The following RHOQ variants were observed in gnomAD, a reference collection of about 807,000 sequenced individuals.
The protein encoded by RHOQ is rho-related GTP-binding protein RhoQ.
RHOQ carries 7 observed loss-of-function variants against 25.8 expected under a neutral mutation model. The observed-to-expected ratio is 0.27, with a 90% CI of 0.15 to 0.51. The LOEUF is 0.51. Ranked by LOEUF, RHOQ falls within the 20% of genes least tolerant of loss-of-function variation. The pLI is 0.97. For missense variants in RHOQ, 165 were observed against 260.6 expected (o/e 0.63, Z 2.53); for synonymous variants, 97 against 98.6 (o/e 0.98, Z 0.10).
chr2:46,571,424 A>G (rs61159979), intron 2 of RHOQ, among the ~76,000 whole-genome samples: 8,744 of 152,262 alleles, frequency 0.057, 417 homozygotes, highest in African/African-American at 0.13. Flanking sequence ...TGCACATTCA[A>G]GTGCATTGCC....
At chr2:46,580,074 A>C (rs185883534) in intron 4 of RHOQ, 152 of 152,490 alleles carry the variant, frequency 1.0e-3, no homozygotes, top group African/African-American at 3.5e-3. Context: ...ATCTGTTCTC[A>C]ACACAGCAGC....
At position 46,543,026 on chromosome 2, in the gene RHOQ, C is replaced by G. The variant is rs1667879617; in HGVS notation, c.-21C>G. ...GCGGGGGCTCCGGGGGGACCATGCC[C>G]GGAGGCCGGCCGGCAGCAGCATGGC... On this transcript the variant is annotated 5_prime_UTR_variant, in exon 1 of 5. Transcript: ENST00000238738. 2 of 1,561,680 alleles carry G rather than the reference C, an allele frequency of 1.3e-6. No individual in the cohort carries two copies. Among genetic ancestry groups the G allele is most frequent in the Non-Finnish European group, 1.7e-6 (2 of 1,156,996 alleles).
At position 46,580,937 on chromosome 2, in the gene RHOQ, T is replaced by C. The variant is rs761558127; in HGVS notation, c.472T>C (p.Cys158Arg). The change falls in exon 5 of 5, where the codon TGC (cysteine) becomes CGC (arginine). Residue 158 changes from cysteine (C) to arginine (R), a missense_variant. Transcript: ENST00000238738. The part of the protein sequence containing the change: ...GQKLAKEIGA[C>R]CYVECSALTQ... ...TTTTTCTCCCTCCCAGATAGGAGCA[T>C]GCTGCTATGTGGAATGTTCAGCTTT... 2.6e-6 allele frequency: 4 copies of C among 1,512,328 alleles called. No individual in the cohort carries two copies. In the South Asian group the frequency reaches 5.4e-5, roughly 20 times the overall value. The allele number at this position is 1,512,328 out of a possible 1,614,324, so 93.7% of individuals were successfully genotyped here.
intron 1 of RHOQ, 67 bp downstream of exon 1, chr2:46,543,255 G>A: frequency 6.3e-7 from 1 of 1,581,966 alleles, no homozygotes; most frequent in Non-Finnish European, 8.7e-7. Flanking sequence ...AACTTTGGCG[G>A]AGCCCCCTCG....
intron 2 of RHOQ, among the ~76,000 whole-genome samples, chr2:46,550,034 C>T (rs1194275703): frequency 6.6e-6 from 1 of 152,018 alleles, no homozygotes; most frequent in Non-Finnish European, 1.5e-5. Flanking sequence ...CAAGACGAGC[C>T]TGGACAACAC....
rs1669419463 is a variant in RHOQ at position 46,582,301 on chromosome 2, GT to G, written c.*1220del. On this transcript the variant is annotated 3_prime_UTR_variant, in exon 5 of 5. Coordinates refer to ENST00000238738, the MANE Select transcript of RHOQ (RefSeq NM_012249.4). ...TGCTTGAAAAAAAAAAGAAAAAAAA[GT>G]TGGAGGAAAATTTTCATGTTCTTCT... The G allele has an allele frequency of 6.6e-6, 1 of 151,534 alleles. No homozygotes were observed. The highest frequency in any genetic ancestry group is 2.4e-5 in the African/African-American group (1 of 41,286). 9.4% of individuals were successfully genotyped at this position (151,534 alleles called of 1,614,324 possible).
chr2:46,548,769 A>G lies in RHOQ; in HGVS notation c.201+4957A>G, dbSNP rs780934688. Among the ~76,000 whole-genome samples, 1 of 152,138 alleles carries G rather than the reference A, an allele frequency of 6.6e-6. No homozygotes were observed. The highest frequency in any genetic ancestry group is 1.5e-5 in the Non-Finnish European group (1 of 68,010). ...CTTAGTAACCTACTGTAGATTTGTCATGTGTGCATTTTGCTAACCTTTTTA... is the reference window on the plus strand; with the variant it reads ...CTTAGTAACCTACTGTAGATTTGTCGTGTGTGCATTTTGCTAACCTTTTTA... On this transcript the variant is annotated intron_variant, in intron 2 of 4. Coordinates refer to ENST00000238738, the MANE Select transcript of RHOQ (RefSeq NM_012249.4). This position sits in a 1 kb window ranked among gnomAD's most constrained non-coding sequence, Gnocchi z 5.2.
At position 46,552,613 on chromosome 2, in the gene RHOQ, C is replaced by G. The variant is rs1017852769; in HGVS notation, c.201+8801C>G. The stretch of plus-strand genomic sequence containing the variant: ...TATTGTTTGCCCTCTTGGGCCATCC[C>G]CATTGCCACCACCTCTGCATGGGCT... On this transcript the variant is annotated intron_variant, in intron 2 of 4. Coordinates refer to ENST00000238738, the MANE Select transcript of RHOQ (RefSeq NM_012249.4). The surrounding 1 kb of genome is among the most constrained non-coding windows in gnomAD (Gnocchi z 5.0). Among the ~76,000 whole-genome samples the G allele has an allele frequency of 6.6e-6, 1 of 152,228 alleles. No individual in the cohort carries two copies. The highest frequency in any genetic ancestry group is 1.5e-5 in the Non-Finnish European group (1 of 68,036).
At chr2:46,574,077 T>G (rs1669025403) in intron 2 of RHOQ, among the ~76,000 whole-genome samples, 1 of 152,210 alleles carries the variant, frequency 6.6e-6, no homozygotes, top group African/African-American at 2.4e-5. Flanking sequence ...TCCCATGGGA[T>G]AGAGAATTTA....
At position 46,581,696 on chromosome 2, in the gene RHOQ, A is replaced by G. The variant is rs1669383054; in HGVS notation, c.*613A>G. On this transcript the variant is annotated 3_prime_UTR_variant, in exon 5 of 5. Coordinates refer to ENST00000238738, the MANE Select transcript of RHOQ (RefSeq NM_012249.4). ...ATATTAAAGCTTAATGTGCTTTCTT[A>G]AAGAATGCCAAAAGTGTAATAAGGT... 1 of 1,447,270 alleles carries G rather than the reference A, an allele frequency of 6.9e-7. No homozygotes were observed. The highest frequency in any genetic ancestry group is 1.4e-5 in the African/African-American group (1 of 70,022). 89.7% of individuals were successfully genotyped at this position (1,447,270 alleles called of 1,614,324 possible). A position where few individuals can be genotyped will look rare whatever the true frequency, so the allele number is the denominator to read the frequency against.
chr2:46,576,434 G>A lies in RHOQ; in HGVS notation c.367-127G>A. The A allele has an allele frequency of 2.2e-6, 2 of 903,976 alleles. No homozygotes were observed. The highest frequency in any genetic ancestry group is 1.7e-5 in the African/African-American group (1 of 58,910). 56.0% of individuals were successfully genotyped at this position (903,976 alleles called of 1,614,324 possible). A position where few individuals can be genotyped will look rare whatever the true frequency, so the allele number is the denominator to read the frequency against. ...CCAAAAGAAAGCAATTATTTTCCTG[G>A]TTTTTAAAAATTAAGTTCTTTTGTT... is the stretch of plus-strand genomic sequence containing the variant. On this transcript the variant is annotated intron_variant, in intron 3 of 4. Coordinates refer to ENST00000238738, the MANE Select transcript of RHOQ (RefSeq NM_012249.4). The surrounding 1 kb of genome is among the most constrained non-coding windows in gnomAD (Gnocchi z 5.1).
At chr2:46,547,539 G>T (rs1312563227) in intron 2 of RHOQ, among the ~76,000 whole-genome samples, 2 of 152,222 alleles carry the variant, frequency 1.3e-5, no homozygotes, top group Non-Finnish European at 2.9e-5. Context: ...CTGCCAAAGG[G>T]AACACTTCCC....
rs1668747109 is a variant in RHOQ at position 46,566,760 on chromosome 2, T to C, written c.202-9327T>C. 6.6e-6 allele frequency among the ~76,000 whole-genome samples: 1 copy of C among 152,202 alleles called. No homozygotes were observed. ...TTCAGTATGTCAGGGCTTTTCTGCC[T>C]TGGGACGTTTGCATACATTGTCTTG... On this transcript the variant is annotated intron_variant, in intron 2 of 4. Transcript: ENST00000238738. This position sits in a 1 kb window ranked among gnomAD's most constrained non-coding sequence, Gnocchi z 4.2.
chr2:46,543,293 C>A, intron 1 of RHOQ, 105 bp downstream of exon 1: 3 of 1,323,208 alleles, frequency 2.3e-6, no homozygotes, highest in Non-Finnish European at 3.2e-6. Context: ...ACTCCTCTCC[C>A]CTCCCCCGCC....
chr2:46,573,159 G>A (rs1572754113), intron 2 of RHOQ, among the ~76,000 whole-genome samples: 1 of 151,654 alleles, frequency 6.6e-6, no homozygotes, highest in African/African-American at 2.4e-5. Flanking sequence ...CACCTCCTGG[G>A]TTCAAGTGAT....
intron 4 of RHOQ, among the ~76,000 whole-genome samples, chr2:46,578,266 T>G (rs1375220386): frequency 6.6e-6 from 1 of 152,130 alleles, no homozygotes; most frequent in Non-Finnish European, 1.5e-5. Context: ...GGTCATTGAA[T>G]CAAAGCAGTC....
At chr2:46,551,654 G>A (rs982187400) in intron 2 of RHOQ, among the ~76,000 whole-genome samples, 7 of 152,150 alleles carry the variant, frequency 4.6e-5, no homozygotes, top group Non-Finnish European at 8.8e-5. Flanking sequence ...AGAAAAGAAT[G>A]TGGGGAAAGG....
rs1048626224 is a variant in RHOQ at position 46,542,572 on chromosome 2, G to A, written c.-475G>A. The stretch of plus-strand genomic sequence containing the variant: ...GCAGGGCCGCGCGGCGGCAGCAGGC[G>A]GGGGCGCGTGGCGCGGGCCGCGCTC... On this transcript the variant is annotated 5_prime_UTR_variant, in exon 1 of 5. Transcript: ENST00000238738. The A allele has an allele frequency of 6.8e-6, 1 of 147,232 alleles. No homozygotes were observed. The highest frequency in any genetic ancestry group is 6.7e-5 in the Admixed American group (1 of 14,826). 9.1% of individuals were successfully genotyped at this position (147,232 alleles called of 1,614,324 possible).
chr2:46,559,955 C>T (rs192504086), intron 2 of RHOQ, among the ~76,000 whole-genome samples: 1 of 152,334 alleles, frequency 6.6e-6, no homozygotes, highest in Non-Finnish European at 1.5e-5. Context: ...TGGTGTCTCC[C>T]ATTCGGGAAG....
Sources: gnomAD v4.1 joint callset for allele counts (sites outside exome capture counted in the v4.1 genomes callset) on GRCh38, gnomAD v4.1.1 for gene constraint, Gnocchi (gnomAD v3.1) non-coding constraint, MANE v1.5 for transcripts, NCBI Gene and HGNC (gene_info 2026-07-23, HGNC 2026-07-21) for gene names.